CELF4: variants seen among roughly 807,000 people sequenced by gnomAD.
CELF4 encodes CUGBP Elav-like family member 4, also known as CUG-BP- and ETR-3-like factor 4.
A neutral mutation model predicts 59.9 loss-of-function variants in CELF4; 18 were observed. That is an observed-to-expected ratio of 0.30 (90% CI 0.21 to 0.45). CELF4 has a LOEUF of 0.45. Among genes scored for constraint, CELF4 ranks in the 20% least tolerant of loss-of-function variants. CELF4 has a pLI of 1.00. For missense variants in CELF4, 456 were observed against 689.0 expected, an observed-to-expected ratio of 0.66 and a Z score of 3.79; for synonymous variants, 261 against 267.1, an observed-to-expected ratio of 0.98 and a Z score of 0.22.
intron 2 of CELF4, among the ~76,000 whole-genome samples, chr18:37,374,900 G>A (rs1013428247): frequency 1.3e-5 from 2 of 152,208 alleles, no homozygotes; most frequent in African/African-American, 4.8e-5. Flanking sequence ...ATGTAGTTCA[G>A]GGCCAATACT....
At chr18:37,364,226 C>T (rs527255699) in intron 2 of CELF4, among the ~76,000 whole-genome samples, 18 of 152,318 alleles carry the variant, frequency 1.2e-4, no homozygotes, top group Non-Finnish European at 2.2e-4. Context: ...TCCCTCCTTC[C>T]TGCACCCGTC....
Position 37,274,589 on chromosome 18 carries a change from G to A in CELF4, c.658-135C>T, listed in dbSNP as rs761950798. On this transcript the variant is annotated intron_variant, in intron 5 of 12. Coordinates refer to ENST00000420428, the MANE Select transcript of CELF4 (RefSeq NM_020180.4). ...AGGCGGCATCGGCGCTCGCCCAGGG[G>A]AATGAGGTGTGAACCCCACCGCGGG... 5.1e-6 allele frequency: 8 copies of A among 1,570,100 alleles called. No homozygotes were observed. In the African/African-American group the frequency reaches 9.5e-5, roughly 19 times the overall value.
At chr18:37,482,279 T>C (rs1416573435) in intron 2 of CELF4, among the ~76,000 whole-genome samples, 4 of 151,986 alleles carry the variant, frequency 2.6e-5, no homozygotes. Context: ...GTGAAACAAA[T>C]TTTGTGAATA....
intron 1 of CELF4, among the ~76,000 whole-genome samples, chr18:37,515,484 C>T (rs979961432): frequency 4.6e-5 from 7 of 152,192 alleles, no homozygotes; most frequent in African/African-American, 1.7e-4. Context: ...TAGGAACTGG[C>T]ATTTCTTGGC....
At chr18:37,448,290 A>C (rs1569569451) in intron 2 of CELF4, among the ~76,000 whole-genome samples, 1 of 152,122 alleles carries the variant, frequency 6.6e-6, no homozygotes, top group Non-Finnish European at 1.5e-5. Context: ...TTCTCTGAGG[A>C]GGACGGGGCC....
intron 1 of CELF4, among the ~76,000 whole-genome samples, chr18:37,549,127 A>G (rs2099982349): frequency 6.6e-6 from 1 of 152,226 alleles, no homozygotes; most frequent in Non-Finnish European, 1.5e-5. Context: ...CAAACAGTCT[A>G]CGCTGTTGTG....
Position 37,246,187 on chromosome 18 carries a change from G to A in CELF4, c.*45-990C>T, listed in dbSNP as rs912175194. On this transcript the variant is annotated intron_variant, in intron 12 of 12. Transcript: ENST00000420428. This position sits in a 1 kb window ranked among gnomAD's most constrained non-coding sequence, Gnocchi z 5.3. The stretch of plus-strand genomic sequence containing the variant: ...TTAGAACTGCAAAGCCCCCACTTGA[G>A]GGGACAACGTCATGCGTATATCAAT... Among the ~76,000 whole-genome samples, 4 of 152,204 alleles carry A rather than the reference G, an allele frequency of 2.6e-5. No homozygotes were observed. The East Asian group carries it at 5.8e-4, about 22-fold the overall frequency.
chr18:37,476,908 C>T (rs2099851254), intron 2 of CELF4, among the ~76,000 whole-genome samples: 1 of 152,254 alleles, frequency 6.6e-6, no homozygotes, highest in Non-Finnish European at 1.5e-5. Context: ...ATGCCTGGGC[C>T]AAAGCACCTT....
chr18:37,408,192 G>A (rs2099403215), intron 2 of CELF4, among the ~76,000 whole-genome samples: 2 of 152,096 alleles, frequency 1.3e-5, no homozygotes, highest in Admixed American at 6.5e-5. Context: ...TTAGACTGAT[G>A]GGCTGGGGAA....
At chr18:37,465,108 A>T (rs2099804408) in intron 2 of CELF4, among the ~76,000 whole-genome samples, 1 of 152,292 alleles carries the variant, frequency 6.6e-6, no homozygotes, top group African/African-American at 2.4e-5. Flanking sequence ...TGGGACGGCC[A>T]GTGTCTTCAG....
chr18:37,326,157 C>T (rs899625363), intron 2 of CELF4, among the ~76,000 whole-genome samples: 2 of 152,212 alleles, frequency 1.3e-5, no homozygotes, highest in African/African-American at 2.4e-5. Flanking sequence ...CAAGGCAGAG[C>T]ATGACGACAG....
intron 2 of CELF4, among the ~76,000 whole-genome samples, chr18:37,381,221 A>G (rs1357949130): frequency 6.6e-6 from 1 of 152,214 alleles, no homozygotes; most frequent in Non-Finnish European, 1.5e-5. Flanking sequence ...GTACACTAGT[A>G]CTGGAATAAG....
chr18:37,393,915 GA>G (rs67571579), intron 2 of CELF4, among the ~76,000 whole-genome samples: 16 of 141,802 alleles, frequency 1.1e-4, no homozygotes, highest in Non-Finnish European at 1.2e-4. Context: ...AAGGCTAAGG[GA>G]AAAAAAAAAA....
chr18:37,340,744 A>G (rs749784566), intron 2 of CELF4, among the ~76,000 whole-genome samples: 5 of 152,172 alleles, frequency 3.3e-5, no homozygotes, highest in African/African-American at 7.2e-5. Context: ...GTCCATGCTG[A>G]TGTAGTTGAC....
intron 1 of CELF4, among the ~76,000 whole-genome samples, chr18:37,517,768 C>T (rs1475811698): frequency 2.6e-5 from 4 of 152,096 alleles, no homozygotes; most frequent in Non-Finnish European, 4.4e-5. Context: ...CTGGTTGGGG[C>T]GTGCACCTCA....
chr18:37,414,876 C>G (rs567909259), intron 2 of CELF4, among the ~76,000 whole-genome samples: 28 of 152,244 alleles, frequency 1.8e-4, no homozygotes, highest in African/African-American at 6.7e-4. Flanking sequence ...CACTCATCCA[C>G]CACCGATCCA....
chr18:37,403,408 G>T (rs780617688), intron 2 of CELF4, among the ~76,000 whole-genome samples: 1 of 152,160 alleles, frequency 6.6e-6, no homozygotes, highest in Non-Finnish European at 1.5e-5. Flanking sequence ...CCTCCATGGA[G>T]GCGAGGCCAC....
At chr18:37,274,077 C>A in intron 6 of CELF4, 1 of 1,367,496 alleles carries the variant, frequency 7.3e-7, no homozygotes, top group Middle Eastern at 2.7e-4. Context: ...AGCTCTGCCC[C>A]TTAGAACTAA....
At chr18:37,372,875 G>A (rs1175774554) in intron 2 of CELF4, among the ~76,000 whole-genome samples, 1 of 152,092 alleles carries the variant, frequency 6.6e-6, no homozygotes, top group Non-Finnish European at 1.5e-5. Context: ...GTGGGGCAGG[G>A]TCCTGCCTTA....
Sources: gnomAD v4.1 joint callset for allele counts (sites outside exome capture counted in the v4.1 genomes callset) on GRCh38, gnomAD v4.1.1 for gene constraint, Gnocchi (gnomAD v3.1) non-coding constraint, MANE v1.5 for transcripts, NCBI Gene and HGNC (gene_info 2026-07-23, HGNC 2026-07-21) for gene names.